PARD3: variants seen among roughly 807,000 people sequenced by gnomAD.
PARD3 encodes partitioning defective 3 homolog.
Under a neutral mutation model 155.4 loss-of-function variants are expected in PARD3, and 75 were observed. The observed-to-expected ratio is 0.48, with a 90% confidence interval of 0.40 to 0.58. The LOEUF (loss-of-function observed/expected upper bound fraction) is 0.58. PARD3 is among the 20% of genes least tolerant of loss of function. The probability of loss-of-function intolerance (pLI) is 0.00; values close to 1 mark genes in which losing one functional copy is unlikely to be tolerated. For missense variants in PARD3, 1,642 were observed against 1,721.7 expected, an observed-to-expected ratio of 0.95 and a Z score of 0.82; for synonymous variants, 576 against 610.5, an observed-to-expected ratio of 0.94 and a Z score of 0.83.
At chr10:34,178,951 A>G (rs12268874) in intron 22 of PARD3, among the ~76,000 whole-genome samples, 258 of 152,286 alleles carry the variant, frequency 1.7e-3, no homozygotes, top group African/African-American at 5.8e-3. Context: ...CTTGATGCTG[A>G]GTCATGGCTG....
chr10:34,530,585 C>G (rs1367013616), intron 2 of PARD3, among the ~76,000 whole-genome samples: 1 of 152,192 alleles, frequency 6.6e-6, no homozygotes, highest in Non-Finnish European at 1.5e-5. Context: ...TCCACAATCT[C>G]TTTAATGATT....
At chr10:34,267,950 A>T (rs1339195991) in intron 22 of PARD3, among the ~76,000 whole-genome samples, 2 of 152,166 alleles carry the variant, frequency 1.3e-5, no homozygotes, top group African/African-American at 4.8e-5. Flanking sequence ...TTTTAATGAA[A>T]CCTGCTATTC....
chr10:34,265,304 T>C (rs1337628507), intron 22 of PARD3, among the ~76,000 whole-genome samples: 1 of 152,190 alleles, frequency 6.6e-6, no homozygotes, highest in African/African-American at 2.4e-5. Context: ...TACGTGGAAA[T>C]TGAGAAAATG....
rs144805042 is a variant in PARD3 at position 34,676,239 on chromosome 10, C to T, written c.222+20079G>A. On this transcript the variant is annotated intron_variant, in intron 2 of 24. Coordinates refer to ENST00000374788, the MANE Select transcript of PARD3 (RefSeq NM_001184785.2). ...ACAATTTTAAAACTTATGTTTTCTA[C>T]GGAAACCTTACCTCAAAGTGATGCA... Among the ~76,000 whole-genome samples, 479 of 152,278 alleles carry T rather than the reference C, an allele frequency of 3.1e-3. 3 individuals carry two copies. The highest frequency in any genetic ancestry group is 5.0e-3 in the Admixed American group (77 of 15,292).
chr10:34,294,946 C>T (rs756306711), intron 20 of PARD3, among the ~76,000 whole-genome samples: 11 of 152,010 alleles, frequency 7.2e-5, no homozygotes, highest in Non-Finnish European at 1.5e-4. Context: ...ATCACGCCTG[C>T]AATACTAGCA....
rs547047793 is a variant in PARD3 at position 34,221,445 on chromosome 10, G to A, written c.3419+48212C>T. 5.5e-5 allele frequency among the ~76,000 whole-genome samples: 8 copies of A among 145,980 alleles called. No homozygotes were observed. The South Asian group carries it at 1.1e-3, about 20-fold the overall frequency. On this transcript the variant is annotated intron_variant, in intron 22 of 24. Coordinates refer to ENST00000374788, the MANE Select transcript of PARD3 (RefSeq NM_001184785.2). ...TGTAGCTATTTATGGTGTACAATACGATGTTTTGATATATGTATAGGTGGT... is the reference window on the plus strand; with the variant it reads ...TGTAGCTATTTATGGTGTACAATACAATGTTTTGATATATGTATAGGTGGT...
At chr10:34,519,123 GT>G (rs1303383740) in intron 2 of PARD3, among the ~76,000 whole-genome samples, 2 of 152,160 alleles carry the variant, frequency 1.3e-5, no homozygotes, top group Admixed American at 1.3e-4. Context: ...GGTCATGAAA[GT>G]AAAAGAAAGA....
chr10:34,386,330 G>A (rs186359254), intron 7 of PARD3, among the ~76,000 whole-genome samples: 2 of 152,174 alleles, frequency 1.3e-5, no homozygotes, highest in Admixed American at 1.3e-4. Context: ...TCAACTCAAA[G>A]GTAAGAATAA....
Position 34,341,823 on chromosome 10 carries a change from A to G in PARD3, c.2219-7T>C. The stretch of plus-strand genomic sequence containing the variant: ...GGGGACAGCTGGTATTTACCTGTCC[A>G]GTGAAAAAAGAAGAAGAGAAAATTC... On this transcript the variant is annotated splice_region_variant and splice_polypyrimidine_tract_variant and intron_variant, in intron 15 of 24. Transcript: ENST00000374788. The G allele has an allele frequency of 6.4e-7, 1 of 1,556,880 alleles. No homozygotes were observed.
Position 34,110,162 on chromosome 10 carries a change from C to CA in PARD3, c.*1006dup, listed in dbSNP as rs1228415195. 2.0e-5 allele frequency: 3 copies of CA among 152,186 alleles called. No homozygotes were observed. The highest frequency in any genetic ancestry group is 4.4e-5 in the Non-Finnish European group (3 of 68,050). 9.4% of individuals were successfully genotyped at this position (152,186 alleles called of 1,614,324 possible). A position where few individuals can be genotyped will look rare whatever the true frequency, so the allele number is the denominator to read the frequency against. ...AGCGCGGCATCGCCAGTCAGACATG[C>CA]AGTGTGTGGATGCATTAGACAAGCA... On this transcript the variant is annotated 3_prime_UTR_variant, in exon 25 of 25. Transcript: ENST00000374788.
intron 2 of PARD3, among the ~76,000 whole-genome samples, chr10:34,674,809 A>G (rs779035787): frequency 2.1e-4 from 32 of 152,150 alleles, no homozygotes; most frequent in Middle Eastern, 3.4e-3. Flanking sequence ...TTCTTTCCTG[A>G]GCAAAGCCAA....
At chr10:34,335,874 T>C (rs1836123130) in intron 18 of PARD3, among the ~76,000 whole-genome samples, 1 of 152,070 alleles carries the variant, frequency 6.6e-6, no homozygotes, top group African/African-American at 2.4e-5. Flanking sequence ...CCTAGGACTC[T>C]ACCATAACAG....
At chr10:34,331,461 G>A in intron 18 of PARD3, 117 bp from the exon 19 acceptor site, 1 of 596,384 alleles carries the variant, frequency 1.7e-6, no homozygotes, top group Non-Finnish European at 3.0e-6. Flanking sequence ...ATGAGTTCTG[G>A]AATGCAGATG....
intron 12 of PARD3, among the ~76,000 whole-genome samples, chr10:34,371,673 G>GTGT (rs1478831380): frequency 6.6e-6 from 1 of 151,526 alleles, no homozygotes; most frequent in Non-Finnish European, 1.5e-5. Context: ...TTTTGGAAAG[G>GTGT]GACATATTGA....
At position 34,439,191 on chromosome 10, in the gene PARD3, T is replaced by TA. The variant is rs150579468; in HGVS notation, c.714+11125dup. Among the ~76,000 whole-genome samples the TA allele has an allele frequency of 7.1e-3, 1,079 of 152,270 alleles. 11 individuals carry two copies. Among genetic ancestry groups the TA allele is most frequent in the African/African-American group, 0.025 (1,028 of 41,534 alleles). On this transcript the variant is annotated intron_variant, in intron 5 of 24. Coordinates refer to ENST00000374788, the MANE Select transcript of PARD3 (RefSeq NM_001184785.2). Reference sequence around the variant, plus strand: ...CTGCATGCGAGGAAGGGCAGGGCTGTAAAAATGGTGGTGGGAACCAGGCTT... The same window carrying TA: ...CTGCATGCGAGGAAGGGCAGGGCTGTAAAAAATGGTGGTGGGAACCAGGCTT...
intron 2 of PARD3, among the ~76,000 whole-genome samples, chr10:34,536,230 A>G (rs567422954): frequency 6.6e-6 from 1 of 152,208 alleles, no homozygotes; most frequent in Non-Finnish European, 1.5e-5. Flanking sequence ...ATATTCTAAT[A>G]GTTTTACTCA....
chr10:34,696,424 A>G lies in PARD3; in HGVS notation c.121-5T>C. 6.4e-7 allele frequency: 1 copy of G among 1,561,766 alleles called. No individual in the cohort carries two copies. The highest frequency in any genetic ancestry group is 8.8e-7 in the Non-Finnish European group (1 of 1,132,966). The stretch of plus-strand genomic sequence containing the variant: ...CTGTATCCAGTAGTTTGGATCCTAT[A>G]CGAAAGAACAGAAACACTGAATATA... On this transcript the variant is annotated splice_region_variant and splice_polypyrimidine_tract_variant and intron_variant, in intron 1 of 24. Coordinates refer to ENST00000374788, the MANE Select transcript of PARD3 (RefSeq NM_001184785.2).
At chr10:34,796,372 G>A (rs2134287150) in intron 1 of PARD3, among the ~76,000 whole-genome samples, 1 of 152,286 alleles carries the variant, frequency 6.6e-6, no homozygotes, top group African/African-American at 2.4e-5. Flanking sequence ...ACAAAATCAT[G>A]AGATATAATT....
At chr10:34,447,312 T>A (rs1347313098) in intron 5 of PARD3, among the ~76,000 whole-genome samples, 1 of 151,746 alleles carries the variant, frequency 6.6e-6, no homozygotes, top group Non-Finnish European at 1.5e-5. Flanking sequence ...AAACCCCATC[T>A]GTACTAAAAA....
Sources: allele counts gnomAD v4.1 joint callset (sites outside exome capture counted in the v4.1 genomes callset), GRCh38; gene constraint gnomAD v4.1.1; transcripts MANE v1.5; gene names NCBI Gene and HGNC (gene_info 2026-07-23, HGNC 2026-07-21).